The following CFAP77 variants were observed in gnomAD, a reference collection of about 807,000 sequenced individuals.
CFAP77 encodes the protein cilia and flagella associated protein 77, also known as cilia- and flagella-associated protein 77.
CFAP77 carries 25 observed loss-of-function variants against 31.1 expected under a neutral mutation model. That is an observed-to-expected ratio of 0.80 (90% CI 0.59 to 1.12). CFAP77 has a LOEUF of 1.12. CFAP77 is among the 50% of genes most tolerant of loss of function. CFAP77 has a pLI of 0.00. For synonymous variants in CFAP77, 151 were observed against 159.9 expected (o/e 0.94, Z 0.42); for missense variants, 377 against 397.3 (o/e 0.95, Z 0.44).
chr9:132,560,051 G>C (rs781512508), intron 5 of CFAP77, among the ~76,000 whole-genome samples: 2 of 152,208 alleles, frequency 1.3e-5, no homozygotes, highest in African/African-American at 2.4e-5. Flanking sequence ...ACTGCTAATG[G>C]CTATAAAGTT....
At chr9:132,530,136 C>CTTTTTTTTTT (rs750962954) in intron 3 of CFAP77, among the ~76,000 whole-genome samples, 1,303 of 92,946 alleles carry the variant, frequency 0.014, no homozygotes, top group Non-Finnish European at 0.017. Context: ...TCTTTCTTTT[C>CTTTTTTTTTT]TTTTTTTTTT....
intron 5 of CFAP77, among the ~76,000 whole-genome samples, chr9:132,561,604 TACACAC>T (rs61039438): frequency 0.058 from 6,509 of 111,352 alleles, 233 homozygotes; most frequent in Middle Eastern, 0.077. Flanking sequence ...GAGGTGCATG[TACACAC>T]ACACACACAC....
At chr9:132,487,673 T>A (rs1851585869) in intron 1 of CFAP77, among the ~76,000 whole-genome samples, 1 of 149,486 alleles carries the variant, frequency 6.7e-6, no homozygotes, top group African/African-American at 2.5e-5. Flanking sequence ...TTGACATTAC[T>A]TTATACGCCT....
At chr9:132,529,507 T>TAAAAAAAAAAAA (rs750691279) in intron 3 of CFAP77, among the ~76,000 whole-genome samples, 7 of 108,822 alleles carry the variant, frequency 6.4e-5, no homozygotes, top group African/African-American at 2.3e-4. Context: ...TAGAGTATAA[T>TAAAAAAAAAAAA]AAAAAAAAAA....
At chr9:132,470,673 G>T (rs968893831) in intron 1 of CFAP77, among the ~76,000 whole-genome samples, 1 of 152,224 alleles carries the variant, frequency 6.6e-6, no homozygotes, top group Non-Finnish European at 1.5e-5. Flanking sequence ...TAGAGCCATC[G>T]CAGGCTCTGG....
chr9:132,532,535 T>G (rs1350340631), intron 3 of CFAP77, among the ~76,000 whole-genome samples: 1 of 152,064 alleles, frequency 6.6e-6, no homozygotes. Flanking sequence ...TGGAAAAAAT[T>G]TTAAGTGTTG....
At chr9:132,559,475 A>G (rs1852961340) in intron 5 of CFAP77, among the ~76,000 whole-genome samples, 1 of 152,242 alleles carries the variant, frequency 6.6e-6, no homozygotes, top group African/African-American at 2.4e-5. Context: ...CAAAATCACA[A>G]TGAGATGGGA....
intron 1 of CFAP77, among the ~76,000 whole-genome samples, chr9:132,483,504 A>T (rs73659052): frequency 9.2e-5 from 14 of 152,158 alleles, no homozygotes; most frequent in African/African-American, 3.1e-4. Flanking sequence ...GCTGACGCGA[A>T]CTGACACCTG....
rs865899112 is a variant in CFAP77 at position 132,486,093 on chromosome 9, T to A, written c.196-12602T>A. 9.1e-4 allele frequency among the ~76,000 whole-genome samples: 57 copies of A among 62,930 alleles called. 3 individuals are homozygous for A. Among genetic ancestry groups the A allele is most frequent in the Non-Finnish European group, 1.1e-3 (35 of 31,900 alleles). The allele number at this position is 62,930 out of a possible 152,430, so 41.3% of individuals were successfully genotyped here. A position where few individuals can be genotyped will look rare whatever the true frequency, so the allele number is the denominator to read the frequency against. Reference sequence around the variant, plus strand: ...ATATATATATATATATATATATATTTTTTTTTTTTTTTTTTTTGAGACGGA... The same window carrying A: ...ATATATATATATATATATATATATTATTTTTTTTTTTTTTTTTGAGACGGA... On this transcript the variant is annotated intron_variant, in intron 1 of 5. Transcript: ENST00000393216.
intron 1 of CFAP77, among the ~76,000 whole-genome samples, chr9:132,446,743 CAAAAAAA>C (rs1184310514): frequency 0.049 from 3,264 of 66,054 alleles, 135 homozygotes; most frequent in African/African-American, 0.17. Flanking sequence ...TCCTCCGTCT[CAAAAAAA>C]AAAAAAAAAA....
chr9:132,487,644 T>G (rs1474043560), intron 1 of CFAP77, among the ~76,000 whole-genome samples: 25 of 128,340 alleles, frequency 1.9e-4, no homozygotes, highest in African/African-American at 7.9e-4. Context: ...CCGGCTGTGG[T>G]TTTTTTTTTT....
intron 5 of CFAP77, among the ~76,000 whole-genome samples, chr9:132,571,232 C>T (rs1203854000): frequency 6.6e-6 from 1 of 152,110 alleles, no homozygotes; most frequent in Non-Finnish European, 1.5e-5. Context: ...TCCTGCAAAT[C>T]CAAACAGGAC....
intron 1 of CFAP77, among the ~76,000 whole-genome samples, chr9:132,473,613 T>C (rs1335180062): frequency 6.6e-6 from 1 of 152,188 alleles, no homozygotes; most frequent in Non-Finnish European, 1.5e-5. Context: ...TCCCTAGTTG[T>C]GTCCCTGGAG....
chr9:132,421,468 A>G (rs1850215039), intron 1 of CFAP77, among the ~76,000 whole-genome samples: 1 of 152,232 alleles, frequency 6.6e-6, no homozygotes, highest in East Asian at 1.9e-4. Context: ...AGGCCTTGAA[A>G]TGTGCTGGAG....
intron 3 of CFAP77, among the ~76,000 whole-genome samples, chr9:132,532,328 C>G (rs150386114): frequency 6.6e-6 from 1 of 152,234 alleles, no homozygotes; most frequent in South Asian, 2.1e-4. Context: ...CTGCAGCTGT[C>G]TCTGGGCCAT....
At chr9:132,519,499 CATGGATGGGTGGGTGGGTGGGTAGATGG>C (rs1852214140) in intron 3 of CFAP77, among the ~76,000 whole-genome samples, 6 of 6,116 alleles carry the variant, frequency 9.8e-4, no homozygotes, top group East Asian at 6.3e-3. Flanking sequence ...TGGGTGGATG[CATGGATGGGTGGGTGGGTGGGTAGATGG>C]ATGGATGGAT....
intron 3 of CFAP77, among the ~76,000 whole-genome samples, chr9:132,515,088 A>C (rs1193290587): frequency 6.6e-6 from 1 of 152,050 alleles, no homozygotes; most frequent in Non-Finnish European, 1.5e-5. Context: ...GTGTGCCAGA[A>C]CCACTTGGCG....
chr9:132,462,800 G>C (rs527961645), intron 1 of CFAP77, among the ~76,000 whole-genome samples: 28 of 151,656 alleles, frequency 1.8e-4, no homozygotes, highest in Non-Finnish European at 3.4e-4. Context: ...TGGGCAACAA[G>C]AGCGAAACTC....
intron 1 of CFAP77, among the ~76,000 whole-genome samples, chr9:132,447,680 GC>G (rs1450993464): frequency 6.6e-6 from 1 of 152,228 alleles, no homozygotes; most frequent in African/African-American, 2.4e-5. Context: ...ACACTAAGCT[GC>G]TGACAGCGGC....
Sources: allele counts gnomAD v4.1 joint callset (sites outside exome capture counted in the v4.1 genomes callset), GRCh38; gene constraint gnomAD v4.1.1; transcripts MANE v1.5; gene names NCBI Gene and HGNC (gene_info 2026-07-23, HGNC 2026-07-21).